RALYL: variants seen among roughly 807,000 people sequenced by gnomAD.
The protein encoded by RALYL is RNA-binding Raly-like protein.
In RALYL, 29 loss-of-function variants were observed where a neutral mutation model predicts 35.1. The ratio of observed to expected loss-of-function variants is 0.83; its 90% CI spans 0.61 to 1.13. The LOEUF (loss-of-function observed/expected upper bound fraction) is 1.13. Ranked by LOEUF, RALYL falls within the 50% of genes most tolerant of loss-of-function variation. The pLI, the probability that RALYL is intolerant of heterozygous loss-of-function variation, is 0.00. For synonymous variants in RALYL, 120 were observed against 127.6 expected (o/e 0.94, Z 0.40); for missense variants, 359 against 360.4 (o/e 1.00, Z 0.03).
chr8:84,480,590 A>G (rs747657017), intron 1 of RALYL, among the ~76,000 whole-genome samples: 47 of 152,288 alleles, frequency 3.1e-4, no homozygotes, highest in Middle Eastern at 3.4e-3. Flanking sequence ...TTTTTACAGG[A>G]TGTAAGCAAA....
chr8:84,391,168 G>T (rs16912783), intron 1 of RALYL, among the ~76,000 whole-genome samples: 25,618 of 151,862 alleles, frequency 0.17, 3,067 homozygotes, highest in African/African-American at 0.34. Context: ...ATCTCATTGC[G>T]TGGACGACTC....
chr8:84,236,343 G>A (rs912125630), intron 1 of RALYL, among the ~76,000 whole-genome samples: 4 of 152,134 alleles, frequency 2.6e-5, no homozygotes, highest in Admixed American at 6.5e-5. Context: ...GCAGTGAATT[G>A]TGTAAGAATA....
intron 1 of RALYL, among the ~76,000 whole-genome samples, chr8:84,444,290 C>T (rs783789): frequency 0.47 from 70,659 of 151,860 alleles, 16,567 homozygotes; most frequent in South Asian, 0.54. Context: ...GATCATTTCT[C>T]TGCACACTAG....
intron 1 of RALYL, among the ~76,000 whole-genome samples, chr8:84,272,702 A>T (rs1834567494): frequency 6.6e-6 from 1 of 152,210 alleles, no homozygotes; most frequent in Non-Finnish European, 1.5e-5. Flanking sequence ...TATTTTAGGT[A>T]ATAGCAATGG....
At chr8:84,635,157 AT>A (rs541519394) in intron 2 of RALYL, among the ~76,000 whole-genome samples, 68 of 149,256 alleles carry the variant, frequency 4.6e-4, no homozygotes, top group African/African-American at 1.6e-3. Context: ...TACTTTACAT[AT>A]TTTTTTTATT....
chr8:84,312,968 C>T lies in RALYL; in HGVS notation c.-24+128544C>T, dbSNP rs1291757250. On this transcript the variant is annotated intron_variant, in intron 1 of 8. Coordinates refer to ENST00000521268, the MANE Select transcript of RALYL (RefSeq NM_173848.7). ...TAGAGTTTCAACATGAGGGCTCTGC[C>T]CCTGCAGCAGGCTTCTGCATGGACA... Among the ~76,000 whole-genome samples the T allele has an allele frequency of 2.6e-5, 4 of 152,342 alleles. 1 individual carries two copies. The Middle Eastern group carries it at 0.01, about 389-fold the overall frequency.
intron 6 of RALYL, 43 bp downstream of exon 6, chr8:84,862,496 T>A: frequency 6.9e-7 from 1 of 1,446,236 alleles, no homozygotes; most frequent in Non-Finnish European, 9.2e-7. Context: ...AAGAAGGGAG[T>A]GATTAACTAT....
At chr8:84,535,437 C>CCTT (rs1455946130) in intron 2 of RALYL, among the ~76,000 whole-genome samples, 1 of 101,930 alleles carries the variant, frequency 9.8e-6, no homozygotes, top group East Asian at 3.2e-4. Context: ...AGCATCCCTG[C>CCTT]CTTTTTTTTT....
chr8:84,417,398 A>G (rs1167687139), intron 1 of RALYL, among the ~76,000 whole-genome samples: 1 of 152,156 alleles, frequency 6.6e-6, no homozygotes, highest in African/African-American at 2.4e-5. Flanking sequence ...TGGCAGAGGG[A>G]AAGAAGATAC....
Position 84,694,151 on chromosome 8 carries a change from G to C in RALYL, c.257-80428G>C, listed in dbSNP as rs557089473. 3.9e-5 allele frequency among the ~76,000 whole-genome samples: 6 copies of C among 151,936 alleles called. No homozygotes were observed. In the South Asian group the frequency reaches 1.2e-3, roughly 32 times the overall value. On this transcript the variant is annotated intron_variant, in intron 2 of 8. Coordinates refer to ENST00000521268, the MANE Select transcript of RALYL (RefSeq NM_173848.7). Reference sequence around the variant, plus strand: ...AAAGAAATAAAAGGCATCCAAATTGGAAAGGAAGGAGTTGAATTTTCTGTT... The same window carrying C: ...AAAGAAATAAAAGGCATCCAAATTGCAAAGGAAGGAGTTGAATTTTCTGTT...
intron 2 of RALYL, among the ~76,000 whole-genome samples, chr8:84,651,122 A>G (rs975842436): frequency 6.6e-6 from 1 of 151,998 alleles, no homozygotes; most frequent in Non-Finnish European, 1.5e-5. Flanking sequence ...CCTAATGCTA[A>G]ATGATGAGTT....
At chr8:84,837,203 C>T (rs1196193859) in intron 4 of RALYL, among the ~76,000 whole-genome samples, 5 of 152,152 alleles carry the variant, frequency 3.3e-5, no homozygotes, top group African/African-American at 9.7e-5. Context: ...TGTCTAATCT[C>T]TTATACTTAG....
chr8:84,508,668 TA>T (rs1026964385), intron 1 of RALYL, among the ~76,000 whole-genome samples: 5 of 152,072 alleles, frequency 3.3e-5, no homozygotes, highest in African/African-American at 1.2e-4. Context: ...TATATTTTTT[TA>T]AAAAAAGATG....
chr8:84,914,543 G>A lies in RALYL; in HGVS notation c.859-6351G>A, dbSNP rs537279515. ...AAATAAGAGAAATGTTAATGTATGT[G>A]TAAGAGAACATCCAAGCAATGTGAC... On this transcript the variant is annotated intron_variant, in intron 8 of 8. Coordinates refer to ENST00000521268, the MANE Select transcript of RALYL (RefSeq NM_173848.7). Among the ~76,000 whole-genome samples the A allele has an allele frequency of 8.6e-5, 13 of 152,042 alleles. No homozygotes were observed. In the East Asian group the frequency reaches 2.3e-3, roughly 27 times the overall value.
intron 5 of RALYL, among the ~76,000 whole-genome samples, chr8:84,860,121 A>G (rs1460408846): frequency 1.3e-5 from 2 of 152,166 alleles, no homozygotes; most frequent in Non-Finnish European, 2.9e-5. Context: ...ATTGATAAAC[A>G]TTTTTGTTTC....
chr8:84,920,138 A>G (rs1849093580), intron 8 of RALYL, among the ~76,000 whole-genome samples: 1 of 152,146 alleles, frequency 6.6e-6, no homozygotes, highest in Admixed American at 6.6e-5. Context: ...TTGACTCTTA[A>G]GACATACACA....
intron 1 of RALYL, among the ~76,000 whole-genome samples, chr8:84,268,761 G>A (rs1024345876): frequency 6.6e-6 from 1 of 152,138 alleles, no homozygotes; most frequent in Non-Finnish European, 1.5e-5. Flanking sequence ...TAGCTGCCAT[G>A]TGCTGTAGCC....
chr8:84,829,176 G>C (rs532719201), intron 4 of RALYL, among the ~76,000 whole-genome samples: 1 of 152,200 alleles, frequency 6.6e-6, no homozygotes, highest in Admixed American at 6.5e-5. Flanking sequence ...CCTTTATAAA[G>C]CCATCAGATC....
At chr8:84,878,232 A>T (rs1263248534) in intron 7 of RALYL, among the ~76,000 whole-genome samples, 2 of 152,180 alleles carry the variant, frequency 1.3e-5, no homozygotes, top group African/African-American at 4.8e-5. Flanking sequence ...GACAATAAGG[A>T]AACTTGAGAG....
Sources: gnomAD v4.1 joint callset for allele counts (sites outside exome capture counted in the v4.1 genomes callset) on GRCh38, gnomAD v4.1.1 for gene constraint, MANE v1.5 for transcripts, NCBI Gene and HGNC (gene_info 2026-07-23, HGNC 2026-07-21) for gene names.